Variants in DGKB observed in about 807,000 individuals in gnomAD.
DGKB encodes the protein diacylglycerol kinase beta.
A neutral mutation model predicts 114.3 loss-of-function variants in DGKB; 67 were observed. The ratio of observed to expected loss-of-function variants is 0.59; its 90% CI spans 0.48 to 0.72. The LOEUF is 0.72. DGKB is among the 30% of genes least tolerant of loss of function. DGKB has a pLI of 0.00. For missense variants in DGKB, 907 were observed against 975.2 expected (o/e 0.93, Z 0.93); for synonymous variants, 398 against 323.1 (o/e 1.23, Z -2.49).
chr7:14,316,849 C>G (rs1345563304), intron 23 of DGKB, among the ~76,000 whole-genome samples: 1 of 144,262 alleles, frequency 6.9e-6, no homozygotes, highest in Non-Finnish European at 1.5e-5. Context: ...AATTTTAGAC[C>G]AATATCCTTG....
intron 23 of DGKB, among the ~76,000 whole-genome samples, chr7:14,319,209 G>T (rs1229150653): frequency 6.6e-6 from 1 of 151,682 alleles, no homozygotes; most frequent in Non-Finnish European, 1.5e-5. Context: ...AGTGGGTGCA[G>T]CACACCAGCG....
chr7:14,668,937 G>A (rs562972967), intron 13 of DGKB, among the ~76,000 whole-genome samples: 5 of 151,832 alleles, frequency 3.3e-5, no homozygotes, highest in African/African-American at 1.2e-4. Flanking sequence ...AAATATGACT[G>A]AATGTGAGTA....
At chr7:14,738,430 A>T (rs550549896) in intron 4 of DGKB, among the ~76,000 whole-genome samples, 1 of 152,334 alleles carries the variant, frequency 6.6e-6, no homozygotes, top group South Asian at 2.1e-4. Flanking sequence ...TCAACTCTTG[A>T]ATCCAACACA....
chr7:14,600,536 G>A (rs1803355469), intron 17 of DGKB, among the ~76,000 whole-genome samples: 1 of 152,038 alleles, frequency 6.6e-6, no homozygotes, highest in Admixed American at 6.6e-5. Flanking sequence ...ACCACTCCAG[G>A]TACAATTTAT....
intron 1 of DGKB, among the ~76,000 whole-genome samples, chr7:14,925,399 G>A (rs2128248694): frequency 6.6e-6 from 1 of 152,262 alleles, no homozygotes; most frequent in East Asian, 1.9e-4. Context: ...GATTTTTACT[G>A]ATGAGTTTGG....
chr7:14,297,932 T>C (rs985708964), intron 23 of DGKB, among the ~76,000 whole-genome samples: 3 of 152,044 alleles, frequency 2.0e-5, no homozygotes, highest in African/African-American at 7.2e-5. Flanking sequence ...GAGAGCCAAA[T>C]CATGAGTTAA....
At chr7:14,563,142 C>A (rs142605963) in intron 20 of DGKB, among the ~76,000 whole-genome samples, 1 of 152,080 alleles carries the variant, frequency 6.6e-6, no homozygotes, top group African/African-American at 2.4e-5. Flanking sequence ...ATGTAAGGCA[C>A]GCCTTTGTTC....
chr7:14,714,747 A>ACTTATGAAT (rs1827920547), intron 6 of DGKB, among the ~76,000 whole-genome samples: 1 of 152,200 alleles, frequency 6.6e-6, no homozygotes, highest in African/African-American at 2.4e-5. Context: ...TATTTCACTA[A>ACTTATGAAT]GTCTCTGCCA....
Position 14,613,400 on chromosome 7 carries a change from G to C in DGKB, c.1298C>G (p.Pro433Arg). 2 of 1,562,612 alleles carry C rather than the reference G, an allele frequency of 1.3e-6. No individual in the cohort carries two copies. The highest frequency in any genetic ancestry group is 1.7e-6 in the Non-Finnish European group (2 of 1,150,460). The change falls in exon 16 of 26, where the codon CCT (proline) becomes CGT (arginine). Residue 433 changes from proline to arginine, a missense_variant. Around this residue, in one of 3 missense-constraint regions of DGKB, gnomAD observed 814 missense variants for 856.6 expected, o/e 0.95. Coordinates refer to ENST00000402815, the MANE Select transcript of DGKB (RefSeq NM_001350709.2). ...AAAAACTAAAAGTGGGTGAGTACCA[G>C]GCACAGGAGTGACCTATAAGAAAAG... ...DGQGLQVTPV[P>R]GTHPLLVFVN...
chr7:14,193,317 C>A (rs1390253695), intron 23 of DGKB, among the ~76,000 whole-genome samples: 1 of 152,066 alleles, frequency 6.6e-6, no homozygotes, highest in Non-Finnish European at 1.5e-5. Context: ...GATATAGTAA[C>A]CAAAACAACA....
At chr7:14,329,878 T>G (rs1441881126) in intron 23 of DGKB, among the ~76,000 whole-genome samples, 1 of 152,054 alleles carries the variant, frequency 6.6e-6, no homozygotes, top group Non-Finnish European at 1.5e-5. Context: ...CTGTTTTATA[T>G]GTCTACCACT....
At chr7:14,581,068 A>G in intron 18 of DGKB, 117 bp from the exon 19 acceptor site, 1 of 551,804 alleles carries the variant, frequency 1.8e-6, no homozygotes, top group Non-Finnish European at 3.1e-6. Flanking sequence ...CTCATAAACA[A>G]AACATAATTG....
At chr7:14,955,895 T>G (rs922557774) in intron 1 of DGKB, among the ~76,000 whole-genome samples, 2 of 151,984 alleles carry the variant, frequency 1.3e-5, no homozygotes, top group African/African-American at 4.8e-5. Flanking sequence ...CTAATTTGAT[T>G]TCAGGCCATT....
chr7:14,967,892 A>C (rs1055172480), intron 1 of DGKB, among the ~76,000 whole-genome samples: 2 of 152,224 alleles, frequency 1.3e-5, no homozygotes, highest in Admixed American at 6.5e-5. Flanking sequence ...AGAGATTGAG[A>C]GAGAGAGGGA....
chr7:14,212,536 G>C (rs950191477), intron 23 of DGKB, among the ~76,000 whole-genome samples: 8 of 152,082 alleles, frequency 5.3e-5, no homozygotes, highest in South Asian at 2.1e-4. Flanking sequence ...GAATTATGCA[G>C]GGATTTGTCC....
chr7:14,663,482 G>A (rs920845960), intron 13 of DGKB, among the ~76,000 whole-genome samples: 7 of 151,884 alleles, frequency 4.6e-5, no homozygotes, highest in Non-Finnish European at 7.4e-5. Flanking sequence ...GGATGGAAAC[G>A]ACTTGCCCAC....
chr7:14,278,846 ATTATT>A (rs1799420999), intron 23 of DGKB, among the ~76,000 whole-genome samples: 1 of 152,224 alleles, frequency 6.6e-6, no homozygotes. Context: ...TAAAATGTTT[ATTATT>A]TTAAGAAATG....
intron 12 of DGKB, among the ~76,000 whole-genome samples, chr7:14,677,722 G>A (rs1407179973): frequency 6.6e-6 from 1 of 151,926 alleles, no homozygotes; most frequent in Non-Finnish European, 1.5e-5. Flanking sequence ...ATAAGCAGTG[G>A]GATATTAAGG....
intron 21 of DGKB, among the ~76,000 whole-genome samples, chr7:14,393,482 T>G (rs915461267): frequency 3.9e-5 from 6 of 152,156 alleles, no homozygotes; most frequent in Admixed American, 2.0e-4. Flanking sequence ...ATGTAGAAAT[T>G]TATTCTTTCT....
Sources: allele counts gnomAD v4.1 joint callset (sites outside exome capture counted in the v4.1 genomes callset), GRCh38; gene constraint gnomAD v4.1.1; regional missense constraint gnomAD v4.1.1; transcripts MANE v1.5; gene names NCBI Gene and HGNC (gene_info 2026-07-23, HGNC 2026-07-21).